CCDC102B: variants seen among roughly 807,000 people sequenced by gnomAD.
The protein encoded by CCDC102B is coiled-coil domain containing 102B, also known as coiled-coil domain-containing protein 102B.
Under a neutral mutation model 57.4 loss-of-function variants are expected in CCDC102B, and 75 were observed. That is an observed-to-expected ratio of 1.31 (90% CI 1.08 to 1.58). The LOEUF is 1.58. Ranked by LOEUF, CCDC102B falls within the 40% of genes most tolerant of loss-of-function variation. CCDC102B has a pLI of 0.00. For synonymous variants in CCDC102B, 206 were observed against 201.9 expected, an observed-to-expected ratio of 1.02 and a Z score of -0.17; for missense variants, 636 against 582.6, an observed-to-expected ratio of 1.09 and a Z score of -0.94.
At chr18:68,811,550 G>T (rs1599497356) in intron 1 of CCDC102B, among the ~76,000 whole-genome samples, 1 of 152,178 alleles carries the variant, frequency 6.6e-6, no homozygotes, top group Non-Finnish European at 1.5e-5. Context: ...GGGAGGCAGA[G>T]GTTGCAGTGA....
At chr18:69,024,063 T>C (rs971669353) in intron 7 of CCDC102B, among the ~76,000 whole-genome samples, 1 of 152,044 alleles carries the variant, frequency 6.6e-6, no homozygotes, top group East Asian at 1.9e-4. Flanking sequence ...GTAAATTATT[T>C]CTCTAAATTT....
intron 7 of CCDC102B, among the ~76,000 whole-genome samples, chr18:69,012,901 A>T (rs1249867260): frequency 6.6e-6 from 1 of 152,222 alleles, no homozygotes; most frequent in Non-Finnish European, 1.5e-5. Context: ...AAAAACCCAA[A>T]TATTAAAATA....
intron 6 of CCDC102B, among the ~76,000 whole-genome samples, chr18:68,934,504 A>G (rs1371208568): frequency 2.6e-5 from 4 of 152,022 alleles, no homozygotes; most frequent in African/African-American, 7.2e-5. Context: ...AGGAAGCTCA[A>G]TGTTTTTTAA....
intron 7 of CCDC102B, among the ~76,000 whole-genome samples, chr18:69,018,780 C>T (rs558094410): frequency 7.6e-4 from 115 of 151,594 alleles, no homozygotes; most frequent in African/African-American, 2.6e-3. Context: ...AGTTCTAATT[C>T]GTTTATTTTT....
intron 1 of CCDC102B, among the ~76,000 whole-genome samples, chr18:68,830,259 C>T (rs2037089865): frequency 6.6e-6 from 1 of 151,968 alleles, no homozygotes; most frequent in Non-Finnish European, 1.5e-5. Flanking sequence ...TTAACAATAT[C>T]AGGCTTGTGC....
intron 6 of CCDC102B, among the ~76,000 whole-genome samples, chr18:68,974,043 T>C (rs928140658): frequency 6.6e-6 from 1 of 152,110 alleles, no homozygotes; most frequent in Non-Finnish European, 1.5e-5. Context: ...TAGGAACCTT[T>C]GGAGACTTTA....
chr18:68,970,559 C>A (rs2050274510), intron 6 of CCDC102B, among the ~76,000 whole-genome samples: 1 of 150,786 alleles, frequency 6.6e-6, no homozygotes, highest in Non-Finnish European at 1.5e-5. Flanking sequence ...CTAATCTCAT[C>A]TTTTCCACCT....
chr18:68,905,886 C>CTG, intron 6 of CCDC102B, among the ~76,000 whole-genome samples: 1 of 138,238 alleles, frequency 7.2e-6, no homozygotes, highest in East Asian at 2.3e-4. Context: ...CTCCGCCTCC[C>CTG]GGGTTCACGC....
intron 2 of CCDC102B, among the ~76,000 whole-genome samples, chr18:68,765,315 AGGAAGG>A (rs1319364560): frequency 0.018 from 1,302 of 70,532 alleles, 30 homozygotes; most frequent in African/African-American, 0.042. Context: ...GAAGGAAGGA[AGGAAGG>A]AAGGAAAGAA....
chr18:68,942,412 C>G (rs1038758127), intron 6 of CCDC102B, among the ~76,000 whole-genome samples: 1 of 151,976 alleles, frequency 6.6e-6, no homozygotes, highest in African/African-American at 2.4e-5. Flanking sequence ...GGAGGACCCA[C>G]GCCGGCCCAG....
intron 1 of CCDC102B, among the ~76,000 whole-genome samples, chr18:68,826,968 T>A (rs1235681716): frequency 6.6e-6 from 1 of 152,044 alleles, no homozygotes; most frequent in Non-Finnish European, 1.5e-5. Flanking sequence ...ACTAGGAATA[T>A]CAATTCAAAT....
intron 4 of CCDC102B, among the ~76,000 whole-genome samples, chr18:68,852,446 A>G (rs2038171240): frequency 6.6e-6 from 1 of 152,206 alleles, no homozygotes; most frequent in African/African-American, 2.4e-5. Context: ...CATATAGCCT[A>G]TGCACAGCCT....
intron 7 of CCDC102B, among the ~76,000 whole-genome samples, chr18:69,025,156 T>C (rs986940710): frequency 6.6e-6 from 1 of 152,150 alleles, no homozygotes; most frequent in Non-Finnish European, 1.5e-5. Flanking sequence ...TCTAATCGTG[T>C]GAACAGAGAA....
intron 2 of CCDC102B, among the ~76,000 whole-genome samples, chr18:68,764,937 C>A (rs1264070296): frequency 6.6e-6 from 1 of 151,410 alleles, no homozygotes; most frequent in Non-Finnish European, 1.5e-5. Flanking sequence ...GTCCCAGCTA[C>A]CTTGGAGGCT....
chr18:68,860,154 G>A (rs2038667042), intron 4 of CCDC102B, among the ~76,000 whole-genome samples: 1 of 71,036 alleles, frequency 1.4e-5, no homozygotes, highest in African/African-American at 3.9e-5. Flanking sequence ...CCTTTGTAGG[G>A]ACATGGATGA....
chr18:68,943,743 C>T (rs532972393), intron 6 of CCDC102B, among the ~76,000 whole-genome samples: 15 of 152,176 alleles, frequency 9.9e-5, no homozygotes, highest in Admixed American at 6.5e-4. Flanking sequence ...TTATTTAAGC[C>T]GGCGGCCAAA....
intron 1 of CCDC102B, among the ~76,000 whole-genome samples, chr18:68,808,273 A>G (rs1209754201): frequency 1.3e-5 from 2 of 152,100 alleles, no homozygotes; most frequent in Non-Finnish European, 2.9e-5. Context: ...AGAAGAGTTC[A>G]TATAAATATA....
At chr18:68,756,783 G>A (rs185821279) in intron 2 of CCDC102B, among the ~76,000 whole-genome samples, 6 of 152,202 alleles carry the variant, frequency 3.9e-5, no homozygotes, top group South Asian at 2.1e-4. Context: ...GAATGCAGAC[G>A]TCCCCAGTAT....
chr18:68,945,091 CCTCT>C (rs371719403), intron 6 of CCDC102B, among the ~76,000 whole-genome samples: 2 of 143,136 alleles, frequency 1.4e-5, no homozygotes, highest in Non-Finnish European at 3.0e-5. Context: ...TCTCTCTCTG[CCTCT>C]CTCTCTCTCT....
Sources: allele counts gnomAD v4.1 joint callset (sites outside exome capture counted in the v4.1 genomes callset), GRCh38; gene constraint gnomAD v4.1.1; transcripts MANE v1.5; gene names NCBI Gene and HGNC (gene_info 2026-07-23, HGNC 2026-07-21).